The following NPAS3 variants were observed in gnomAD, a reference collection of about 807,000 sequenced individuals.
NPAS3 encodes neuronal PAS domain protein 3.
NPAS3 carries 14 observed loss-of-function variants against 73.1 expected under a neutral mutation model. That is an observed-to-expected ratio of 0.19 (90% CI 0.13 to 0.30). NPAS3 has a LOEUF of 0.30. Among genes scored for constraint, NPAS3 ranks in the 10% least tolerant of loss-of-function variants. The probability of loss-of-function intolerance (pLI) is 1.00; values close to 1 mark genes in which losing one functional copy is unlikely to be tolerated. For missense variants in NPAS3, 1,096 were observed against 1,250.0 expected (o/e 0.88, Z 1.86); for synonymous variants, 620 against 541.5 (o/e 1.14, Z -2.01).
chr14:33,345,614 A>G (rs541144696), intron 3 of NPAS3, among the ~76,000 whole-genome samples: 170 of 152,318 alleles, frequency 1.1e-3, no homozygotes, highest in African/African-American at 4.0e-3. Context: ...TCTTGAAGTT[A>G]ACTTCCTTTT....
At chr14:33,427,044 G>C (rs191324327) in intron 4 of NPAS3, among the ~76,000 whole-genome samples, 19 of 152,160 alleles carry the variant, frequency 1.2e-4, no homozygotes, top group African/African-American at 4.3e-4. Context: ...ATCTTGGTAA[G>C]CCATATGTAT....
chr14:33,177,889 T>G (rs2139420809), intron 2 of NPAS3, among the ~76,000 whole-genome samples: 1 of 152,288 alleles, frequency 6.6e-6, no homozygotes, highest in East Asian at 1.9e-4. Flanking sequence ...TGCTACAATG[T>G]TATGATGATT....
chr14:33,755,697 G>C (rs1428543152), intron 7 of NPAS3, among the ~76,000 whole-genome samples: 2 of 152,118 alleles, frequency 1.3e-5, no homozygotes, highest in Non-Finnish European at 2.9e-5. Flanking sequence ...GCCATTCTAT[G>C]TTGCTATGAA....
chr14:33,331,534 T>G (rs2043984996), intron 3 of NPAS3, among the ~76,000 whole-genome samples: 1 of 152,092 alleles, frequency 6.6e-6, no homozygotes, highest in South Asian at 2.1e-4. Flanking sequence ...TTTCCTGTTG[T>G]TTATCTCCCC....
chr14:33,594,517 C>T (rs369512508), intron 5 of NPAS3, among the ~76,000 whole-genome samples: 10 of 152,296 alleles, frequency 6.6e-5, no homozygotes, highest in African/African-American at 2.4e-4. Flanking sequence ...GTCCTGTGCA[C>T]AACTTTCTGC....
intron 6 of NPAS3, among the ~76,000 whole-genome samples, chr14:33,694,038 T>C (rs1260832863): frequency 6.6e-6 from 1 of 152,178 alleles, no homozygotes; most frequent in Non-Finnish European, 1.5e-5. Context: ...ATTACAAAGC[T>C]GATGAAATTT....
chr14:33,450,231 G>T (rs560748250), intron 4 of NPAS3, among the ~76,000 whole-genome samples: 50 of 152,266 alleles, frequency 3.3e-4, no homozygotes, highest in African/African-American at 1.1e-3. Flanking sequence ...AGCATCTAAC[G>T]TGATGTTTCT....
intron 1 of NPAS3, among the ~76,000 whole-genome samples, chr14:32,978,998 A>G (rs1430057732): frequency 6.6e-6 from 1 of 152,118 alleles, no homozygotes; most frequent in Non-Finnish European, 1.5e-5. Flanking sequence ...AAGGGCTCAA[A>G]AAATAACTGT....
chr14:33,311,745 G>A (rs186423753), intron 3 of NPAS3, among the ~76,000 whole-genome samples: 3 of 152,090 alleles, frequency 2.0e-5, no homozygotes, highest in Non-Finnish European at 4.4e-5. Flanking sequence ...TCAGTCTGGT[G>A]GTGGAGGCGG....
intron 3 of NPAS3, among the ~76,000 whole-genome samples, chr14:33,317,725 G>T (rs1371778658): frequency 6.6e-6 from 1 of 151,918 alleles, no homozygotes; most frequent in Non-Finnish European, 1.5e-5. Flanking sequence ...TCCTGAGACC[G>T]CCCCAGCCAT....
At chr14:32,971,067 A>T (rs946163584) in intron 1 of NPAS3, among the ~76,000 whole-genome samples, 7 of 147,488 alleles carry the variant, frequency 4.7e-5, no homozygotes, top group Admixed American at 1.4e-4. Flanking sequence ...AGTGAAAATG[A>T]TTTCTGTGTC....
At chr14:33,072,723 G>C (rs2041527531) in intron 2 of NPAS3, among the ~76,000 whole-genome samples, 1 of 152,200 alleles carries the variant, frequency 6.6e-6, no homozygotes, top group African/African-American at 2.4e-5. Context: ...GGAACTGGCA[G>C]GGCTGCGTGG....
intron 1 of NPAS3, among the ~76,000 whole-genome samples, chr14:32,987,568 T>C (rs1053040719): frequency 1.3e-5 from 2 of 152,152 alleles, no homozygotes; most frequent in African/African-American, 4.8e-5. Flanking sequence ...ATTTTGAAAA[T>C]TAGTAATATA....
chr14:33,207,754 T>A (rs2046884938), intron 2 of NPAS3, among the ~76,000 whole-genome samples: 1 of 152,108 alleles, frequency 6.6e-6, no homozygotes, highest in African/African-American at 2.4e-5. Context: ...TCCTAGAAAA[T>A]GGCCCCTTTT....
At chr14:33,695,284 G>A (rs1021786655) in intron 6 of NPAS3, among the ~76,000 whole-genome samples, 1 of 152,148 alleles carries the variant, frequency 6.6e-6, no homozygotes, top group Non-Finnish European at 1.5e-5. Flanking sequence ...GACTTTTAAG[G>A]TTGTTACCCT....
At chr14:33,078,642 A>G (rs1160570618) in intron 2 of NPAS3, among the ~76,000 whole-genome samples, 2 of 152,204 alleles carry the variant, frequency 1.3e-5, no homozygotes, top group Non-Finnish European at 2.9e-5. Context: ...ATTTTTAAGT[A>G]GAGCATTTTT....
intron 4 of NPAS3, among the ~76,000 whole-genome samples, chr14:33,462,130 A>T (rs776690172): frequency 6.6e-6 from 1 of 152,150 alleles, no homozygotes; most frequent in Non-Finnish European, 1.5e-5. Context: ...CCACAAGAGG[A>T]TGTGTTGTTG....
chr14:33,463,914 G>C (rs894554500), intron 4 of NPAS3, among the ~76,000 whole-genome samples: 2 of 152,134 alleles, frequency 1.3e-5, no homozygotes, highest in African/African-American at 4.8e-5. Context: ...TTTGTGGCTT[G>C]TGGTCAGTCC....
intron 4 of NPAS3, among the ~76,000 whole-genome samples, chr14:33,525,119 T>C (rs577532037): frequency 6.6e-6 from 1 of 152,306 alleles, no homozygotes; most frequent in East Asian, 1.9e-4. Flanking sequence ...AATGTACTAT[T>C]CATAATGTAG....
Sources: allele counts gnomAD v4.1 joint callset (sites outside exome capture counted in the v4.1 genomes callset), GRCh38; gene constraint gnomAD v4.1.1; transcripts MANE v1.5; gene names NCBI Gene and HGNC (gene_info 2026-07-23, HGNC 2026-07-21).